Variants in NDST3 observed in about 807,000 individuals in gnomAD.
NDST3 encodes N-deacetylase and N-sulfotransferase 3.
In NDST3, 58 loss-of-function variants were observed where a neutral mutation model predicts 96.1. The ratio of observed to expected loss-of-function variants is 0.60; its 90% confidence interval spans 0.49 to 0.75. NDST3 has a LOEUF of 0.75. Ranked by LOEUF, NDST3 falls within the 30% of genes least tolerant of loss-of-function variation. The pLI, the probability that NDST3 is intolerant of heterozygous loss-of-function variation, is 0.00. For synonymous variants in NDST3, 333 were observed against 359.7 expected, an observed-to-expected ratio of 0.93 and a Z score of 0.84; for missense variants, 788 against 1,034.2, an observed-to-expected ratio of 0.76 and a Z score of 3.27.
chr4:118,127,925 G>A (rs1732253610), intron 4 of NDST3, among the ~76,000 whole-genome samples: 2 of 151,682 alleles, frequency 1.3e-5, no homozygotes, highest in Non-Finnish European at 2.9e-5. Context: ...TTAATTCCTA[G>A]GTAGTTAATT....
chr4:118,144,908 T>C (rs1000310460), intron 6 of NDST3, among the ~76,000 whole-genome samples: 2 of 152,166 alleles, frequency 1.3e-5, no homozygotes, highest in African/African-American at 4.8e-5. Flanking sequence ...TCAATTCTGC[T>C]TGTATTCATC....
chr4:118,255,620 C>A lies in NDST3; in HGVS notation c.2530C>A (p.Arg844=), dbSNP rs1471039265. Residue 844 remains arginine, a synonymous_variant, in exon 14 of 14, where the codon CGA becomes AGA. Coordinates refer to ENST00000296499, the MANE Select transcript of NDST3 (RefSeq NM_004784.3). ...CAGGACATTTCTGTCAAGCTACTAT[C>A]GAGATCACAACGTGGAACTCTCAAA... ...DSRTFLSSYY[R]DHNVELSKLL... 1 of 1,613,666 alleles carries A rather than the reference C, an allele frequency of 6.2e-7. No homozygotes were observed. The highest frequency in any genetic ancestry group is 8.5e-7 in the Non-Finnish European group (1 of 1,179,696).
intron 6 of NDST3, among the ~76,000 whole-genome samples, chr4:118,147,148 T>G (rs1418887965): frequency 1.3e-5 from 2 of 152,240 alleles, no homozygotes; most frequent in African/African-American, 4.8e-5. Flanking sequence ...TTTAAACTAA[T>G]AGATGGTATC....
intron 4 of NDST3, among the ~76,000 whole-genome samples, chr4:118,120,408 G>T (rs1405306426): frequency 6.6e-6 from 1 of 152,140 alleles, no homozygotes; most frequent in East Asian, 1.9e-4. Flanking sequence ...GGGTAAGCAG[G>T]CTCAGGATTG....
intron 6 of NDST3, among the ~76,000 whole-genome samples, chr4:118,175,191 C>A (rs1736200084): frequency 6.6e-6 from 1 of 152,040 alleles, no homozygotes. Flanking sequence ...TTTTTTCCAA[C>A]AGAATCTTTC....
chr4:118,187,289 T>C (rs1032328074), intron 6 of NDST3, among the ~76,000 whole-genome samples: 2 of 152,226 alleles, frequency 1.3e-5, no homozygotes, highest in Non-Finnish European at 2.9e-5. Context: ...GTCTGTTGTG[T>C]AGCCAGAGCT....
At chr4:118,250,395 T>C (rs925841522) in intron 12 of NDST3, among the ~76,000 whole-genome samples, 2 of 152,218 alleles carry the variant, frequency 1.3e-5, no homozygotes, top group Non-Finnish European at 2.9e-5. Context: ...TAATTTTAAT[T>C]TGTATTTCCT....
At chr4:118,234,135 G>A (rs1364550645) in intron 9 of NDST3, among the ~76,000 whole-genome samples, 1 of 152,180 alleles carries the variant, frequency 6.6e-6, no homozygotes, top group Non-Finnish European at 1.5e-5. Context: ...ACAGTGGCCA[G>A]GCACAGTGGC....
intron 4 of NDST3, among the ~76,000 whole-genome samples, chr4:118,136,814 C>T (rs1444701341): frequency 2.6e-5 from 4 of 151,948 alleles, no homozygotes; most frequent in Non-Finnish European, 2.9e-5. Context: ...GTACAGTATA[C>T]AGCAATGACA....
intron 6 of NDST3, among the ~76,000 whole-genome samples, chr4:118,154,800 A>G (rs1358907131): frequency 6.6e-6 from 1 of 152,046 alleles, no homozygotes; most frequent in Admixed American, 6.6e-5. Context: ...GCTACAACAC[A>G]CTGTTTCTGC....
At chr4:118,087,607 G>T (rs1728534110) in intron 2 of NDST3, among the ~76,000 whole-genome samples, 2 of 152,090 alleles carry the variant, frequency 1.3e-5, no homozygotes, top group African/African-American at 4.8e-5. Context: ...TGAAATTTTG[G>T]CTGCCAACCT....
At position 118,150,039 on chromosome 4, in the gene NDST3, T is replaced by C. The variant is rs1368362653; in HGVS notation, c.1539+6355T>C. Among the ~76,000 whole-genome samples, 92 of 151,750 alleles carry C rather than the reference T, an allele frequency of 6.1e-4. 1 individual carries two copies. The highest frequency in any genetic ancestry group is 2.2e-3 in the African/African-American group (90 of 41,358). ...CATGTGGTTTTTGTCTTTGGTTCTG[T>C]TTATATGCTGGATTACATTTATTGA... On this transcript the variant is annotated intron_variant, in intron 6 of 13. Coordinates refer to ENST00000296499, the MANE Select transcript of NDST3 (RefSeq NM_004784.3).
At chr4:118,042,133 T>C (rs764305556) in intron 1 of NDST3, among the ~76,000 whole-genome samples, 5 of 152,214 alleles carry the variant, frequency 3.3e-5, no homozygotes, top group African/African-American at 4.8e-5. Context: ...TATCTAATCA[T>C]GTATAACTTA....
chr4:118,069,346 G>A (rs1249311310), intron 2 of NDST3, among the ~76,000 whole-genome samples: 1 of 151,996 alleles, frequency 6.6e-6, no homozygotes, highest in Non-Finnish European at 1.5e-5. Context: ...ATATAGGTGG[G>A]ATAGAGTACC....
Position 118,255,629 on chromosome 4 carries a change from A to T in NDST3, c.2539A>T (p.Asn847Tyr). 6.2e-7 allele frequency: 1 copy of T among 1,613,844 alleles called. No individual in the cohort carries two copies. Among genetic ancestry groups the T allele is most frequent in the Non-Finnish European group, 8.5e-7 (1 of 1,179,798 alleles). ...TCTGTCAAGCTACTATCGAGATCAC[A>T]ACGTGGAACTCTCAAAGCTGCTGCA... ...TFLSSYYRDHNVELSKLLHKL... is the reference protein window; with the variant it reads ...TFLSSYYRDHYVELSKLLHKL... Residue 847 changes from asparagine to tyrosine, a missense_variant, in exon 14 of 14, where the codon AAC (asparagine) becomes TAC (tyrosine). Coordinates refer to ENST00000296499, the MANE Select transcript of NDST3 (RefSeq NM_004784.3).
chr4:118,176,219 C>A (rs1007617516), intron 6 of NDST3, among the ~76,000 whole-genome samples: 4 of 151,734 alleles, frequency 2.6e-5, no homozygotes, highest in Admixed American at 2.0e-4. Context: ...ATGTAACAAA[C>A]CTGCACATCT....
intron 3 of NDST3, among the ~76,000 whole-genome samples, chr4:118,112,970 TTCTCC>T (rs1730766437): frequency 6.6e-6 from 1 of 152,074 alleles, no homozygotes; most frequent in African/African-American, 2.4e-5. Flanking sequence ...GAAAACTACC[TTCTCC>T]TTTCATGTAG....
chr4:118,077,204 G>C (rs1727618515), intron 2 of NDST3, among the ~76,000 whole-genome samples: 1 of 152,142 alleles, frequency 6.6e-6, no homozygotes. Flanking sequence ...ACTCTGATGG[G>C]GGGGTGCCAG....
intron 6 of NDST3, among the ~76,000 whole-genome samples, chr4:118,218,780 T>C (rs1250074150): frequency 1.3e-5 from 2 of 152,110 alleles, no homozygotes; most frequent in African/African-American, 4.8e-5. Context: ...CATGATTCTA[T>C]ACTTAGAAAA....
Sources: gnomAD v4.1 joint callset for allele counts (sites outside exome capture counted in the v4.1 genomes callset) on GRCh38, gnomAD v4.1.1 for gene constraint, MANE v1.5 for transcripts, NCBI Gene and HGNC (gene_info 2026-07-23, HGNC 2026-07-21) for gene names.